TRAPPC12: variants seen among roughly 807,000 people sequenced by gnomAD.
TRAPPC12 encodes trafficking protein particle complex subunit 12.
In TRAPPC12, 61 loss-of-function variants were observed where a neutral mutation model predicts 69.2. The observed-to-expected ratio is 0.88, with a 90% CI of 0.72 to 1.09. The LOEUF is 1.09. Ranked by LOEUF, TRAPPC12 falls within the 50% of genes least tolerant of loss-of-function variation. The pLI, the probability that TRAPPC12 is intolerant of heterozygous loss-of-function variation, is 0.00. For synonymous variants in TRAPPC12, 469 were observed against 438.9 expected (o/e 1.07, Z -0.86); for missense variants, 1,101 against 1,016.4 (o/e 1.08, Z -1.13).
In TRAPPC12 at chr2:3,421,940, C is replaced by T. The variant is rs1258666910; in HGVS notation, c.1224C>T (p.Gly408=). ...GCGGACGTCTCCTCACAGCCCACGG[C>T]CAGGGCTACGGCAAGAGCGGGCTGC... ...DLCGRLLTAH[G]QGYGKSGLLT... The change falls in exon 4 of 12, where the codon GGC becomes GGT. Residue 408 remains glycine (G), a synonymous_variant. Transcript: ENST00000324266. 4 of 1,613,662 alleles carry T rather than the reference C, an allele frequency of 2.5e-6. No homozygotes were observed. Among genetic ancestry groups the T allele is most frequent in the East Asian group, 4.5e-5 (2 of 44,890 alleles).
intron 1 of TRAPPC12, among the ~76,000 whole-genome samples, chr2:3,382,588 T>C (rs973725379): frequency 2.0e-5 from 3 of 152,220 alleles, no homozygotes; most frequent in Non-Finnish European, 4.4e-5. Flanking sequence ...CACATATTTA[T>C]TGTCTCAACC....
intron 7 of TRAPPC12, among the ~76,000 whole-genome samples, chr2:3,458,896 A>G (rs1665329792): frequency 6.6e-6 from 1 of 152,214 alleles, no homozygotes; most frequent in Admixed American, 6.5e-5. Flanking sequence ...CATTGAGACA[A>G]TCCATATTTT....
chr2:3,473,802 A>G (rs1666170998), intron 9 of TRAPPC12, among the ~76,000 whole-genome samples: 1 of 152,244 alleles, frequency 6.6e-6, no homozygotes, highest in South Asian at 2.1e-4. Flanking sequence ...TTGCAGACCT[A>G]TGCTTCTGTG....
intron 9 of TRAPPC12, chr2:3,466,330 G>A (rs1445652283): frequency 2.1e-6 from 1 of 471,086 alleles, no homozygotes; most frequent in Non-Finnish European, 4.4e-6. Flanking sequence ...GGGAAAGGAG[G>A]CACGAGCAAG....
intron 2 of TRAPPC12, among the ~76,000 whole-genome samples, chr2:3,393,408 G>A (rs989415441): frequency 8.5e-5 from 13 of 152,086 alleles, no homozygotes; most frequent in Non-Finnish European, 1.5e-4. Context: ...TGCTGGGGAT[G>A]GAATGTACAT....
intron 1 of TRAPPC12, among the ~76,000 whole-genome samples, chr2:3,382,014 A>T (rs553877255): frequency 3.3e-5 from 5 of 152,126 alleles, no homozygotes; most frequent in African/African-American, 1.2e-4. Flanking sequence ...CATAATTTAT[A>T]TGTTAGATAT....
At position 3,387,741 on chromosome 2, in the gene TRAPPC12, G is replaced by A; in HGVS notation, c.118G>A (p.Gly40Arg). ...LFQEETIDLG[G>R]DEFGSEENET... ...CCAGGAGGAAACCATCGATCTTGGC[G>A]GAGATGAGTTTGGATCCGAAGAGAA... The change falls in exon 2 of 12, where the codon GGA becomes AGA. Residue 40 changes from glycine to arginine, a missense_variant. Physicochemically the swap from Gly to Arg is moderately radical, Grantham distance 125. Coordinates refer to ENST00000324266, the MANE Select transcript of TRAPPC12 (RefSeq NM_016030.6). The A allele has an allele frequency of 6.2e-7, 1 of 1,610,132 alleles. No individual in the cohort carries two copies.
At chr2:3,420,186 TA>T (rs112164644) in intron 3 of TRAPPC12, among the ~76,000 whole-genome samples, 10 of 148,912 alleles carry the variant, frequency 6.7e-5, no homozygotes, top group East Asian at 2.0e-4. Context: ...GTTCAGCATT[TA>T]AAAAAAAAAC....
intron 6 of TRAPPC12, among the ~76,000 whole-genome samples, chr2:3,448,397 A>G (rs962625077): frequency 6.6e-6 from 1 of 152,236 alleles, no homozygotes; most frequent in South Asian, 2.1e-4. Flanking sequence ...TCACTTGAAC[A>G]GTTCCAGAAA....
chr2:3,472,631 CTG>C (rs924693596), intron 9 of TRAPPC12: 2 of 152,204 alleles, frequency 1.3e-5, no homozygotes, highest in Non-Finnish European at 1.5e-5. Context: ...AAACTAAAAA[CTG>C]TTGTGCTTTA....
At chr2:3,465,935 C>A in intron 9 of TRAPPC12, 1 of 558,988 alleles carries the variant, frequency 1.8e-6, no homozygotes, top group Non-Finnish European at 3.2e-6. Context: ...GTCATCACAG[C>A]CACACTGAAA....
intron 8 of TRAPPC12, among the ~76,000 whole-genome samples, chr2:3,464,510 C>T (rs565276406): frequency 6.6e-6 from 1 of 152,278 alleles, no homozygotes; most frequent in Non-Finnish European, 1.5e-5. Flanking sequence ...ATAAAAGTAC[C>T]TCTGGGATTA....
At chr2:3,478,297 G>C (rs144678585) in intron 10 of TRAPPC12, among the ~76,000 whole-genome samples, 471 of 152,350 alleles carry the variant, frequency 3.1e-3, no homozygotes, top group African/African-American at 0.01. Context: ...CTTTTAGCAG[G>C]AAGTCATTTA....
At chr2:3,409,075 C>A (rs1382807132) in intron 3 of TRAPPC12, among the ~76,000 whole-genome samples, 2 of 152,224 alleles carry the variant, frequency 1.3e-5, no homozygotes, top group Non-Finnish European at 2.9e-5. Context: ...GCAGCCCAGT[C>A]CCCTCTGGTG....
chr2:3,403,381 C>T (rs1443585114), intron 3 of TRAPPC12, among the ~76,000 whole-genome samples: 1 of 151,982 alleles, frequency 6.6e-6, no homozygotes, highest in Admixed American at 6.6e-5. Context: ...TACAGGCGTG[C>T]ACCACCACAC....
chr2:3,451,411 A>G (rs1027035622), intron 6 of TRAPPC12, among the ~76,000 whole-genome samples: 21 of 152,012 alleles, frequency 1.4e-4, no homozygotes, highest in African/African-American at 4.8e-4. Flanking sequence ...ATTTTCTCCA[A>G]ACTCCTCTTC....
intron 4 of TRAPPC12, among the ~76,000 whole-genome samples, chr2:3,422,573 C>A (rs1196541510): frequency 2.6e-5 from 4 of 152,172 alleles, no homozygotes; most frequent in East Asian, 1.9e-4. Context: ...ACATGGGAAT[C>A]CCCCGGGACT....
At chr2:3,472,778 A>G (rs1181965668) in intron 9 of TRAPPC12, among the ~76,000 whole-genome samples, 1 of 152,206 alleles carries the variant, frequency 6.6e-6, no homozygotes, top group Non-Finnish European at 1.5e-5. Flanking sequence ...AAAACGATTC[A>G]TGGCACTAGC....
intron 5 of TRAPPC12, among the ~76,000 whole-genome samples, chr2:3,441,908 A>G (rs1029761807): frequency 6.6e-6 from 1 of 152,162 alleles, no homozygotes; most frequent in Non-Finnish European, 1.5e-5. Flanking sequence ...TTAGTTCAAA[A>G]TATTTTCACA....
Sources: gnomAD v4.1 joint callset for allele counts (sites outside exome capture counted in the v4.1 genomes callset) on GRCh38, gnomAD v4.1.1 for gene constraint, MANE v1.5 for transcripts, NCBI Gene and HGNC (gene_info 2026-07-23, HGNC 2026-07-21) for gene names.